ABCD2: variants seen among roughly 807,000 people sequenced by gnomAD.
The protein encoded by ABCD2 is ATP binding cassette subfamily D member 2.
Under a neutral mutation model 70.9 loss-of-function variants are expected in ABCD2, and 36 were observed. The observed-to-expected ratio is 0.51, with a 90% confidence interval of 0.39 to 0.67. The LOEUF is 0.67. Among genes scored for constraint, ABCD2 ranks in the 30% least tolerant of loss-of-function variants. The probability of loss-of-function intolerance (pLI) is 0.00; values close to 1 mark genes in which losing one functional copy is unlikely to be tolerated. For synonymous variants in ABCD2, 304 were observed against 306.9 expected (o/e 0.99, Z 0.10); for missense variants, 729 against 890.2 (o/e 0.82, Z 2.30).
At chr12:39,609,908 A>T (rs1555220676) in intron 2 of ABCD2, among the ~76,000 whole-genome samples, 1 of 152,044 alleles carries the variant, frequency 6.6e-6, no homozygotes, top group Non-Finnish European at 1.5e-5. Flanking sequence ...TGATTTTCAG[A>T]TTTTTTTTCC....
chr12:39,618,756 T>C lies in ABCD2; in HGVS notation c.860A>G (p.His287Arg). The change falls in exon 1 of 10, where the codon CAT (histidine) becomes CGT (arginine). Residue 287 changes from histidine (H) to arginine (R), a missense_variant. By Grantham distance (29) the His-to-Arg change is conservative. Around this residue, in one of 3 missense-constraint regions of ABCD2, gnomAD observed 195 missense variants for 300.2 expected, o/e 0.65. Transcript: ENST00000308666. ...KFGKLVAEEA[H>R]RKGYLRYVHS... is the part of the protein sequence containing the mutation. ...CACATACCGCAAATAGCCTTTTCTA[T>C]GTGCTTCCTCTGCCACCAGTTTGCC... 2 of 1,614,274 alleles carry C rather than the reference T, an allele frequency of 1.2e-6. No individual in the cohort carries two copies. Among genetic ancestry groups the C allele is most frequent in the Non-Finnish European group, 1.7e-6 (2 of 1,180,054 alleles).
the ABCD2 span, among the ~76,000 whole-genome samples, chr12:39,541,490 A>G: frequency 6.6e-6 from 1 of 152,238 alleles, no homozygotes; most frequent in East Asian, 1.9e-4. Flanking sequence ...GTGTGCTTCA[A>G]GAAGAGGCTT....
At chr12:39,601,033 C>A (rs947824692) in intron 5 of ABCD2, among the ~76,000 whole-genome samples, 1 of 151,940 alleles carries the variant, frequency 6.6e-6, no homozygotes, top group African/African-American at 2.4e-5. Context: ...TAAGACAAAT[C>A]ATAAAAATTT....
chr12:39,618,341 C>G (rs1413124153), intron 1 of ABCD2, among the ~76,000 whole-genome samples: 1 of 152,014 alleles, frequency 6.6e-6, no homozygotes, highest in African/African-American at 2.4e-5. Context: ...CTGGTAGGTG[C>G]TTTAGGATGA....
At chr12:39,586,003 A>C in intron 7 of ABCD2, 149 bp downstream of exon 7, 1 of 662,076 alleles carries the variant, frequency 1.5e-6, no homozygotes, top group Non-Finnish European at 2.3e-6. Context: ...AATGTAAATA[A>C]TGGAACAGCA....
rs1231720169 is a variant in ABCD2 at position 39,579,637 on chromosome 12, AT to A, written c.1793-19del. On this transcript the variant is annotated intron_variant, in intron 7 of 9. Transcript: ENST00000308666. ...ATCCCATCCTTAAGAAAATAAAAAA[AT>A]ATACATTTTTATAAATCATTTGTTT... The A allele has an allele frequency of 1.3e-6, 2 of 1,559,180 alleles. No individual in the cohort carries two copies. The highest frequency in any genetic ancestry group is 2.2e-5 in the East Asian group (1 of 44,520).
chr12:39,616,596 G>A (rs548496254), intron 2 of ABCD2, among the ~76,000 whole-genome samples: 1 of 152,240 alleles, frequency 6.6e-6, no homozygotes, highest in South Asian at 2.1e-4. Context: ...TAGACTAAAT[G>A]TATGGGATGT....
At chr12:39,548,970 TG>T, downstream of ABCD2, among the ~76,000 whole-genome samples, 1 of 152,036 alleles carries the variant, frequency 6.6e-6, no homozygotes, top group East Asian at 1.9e-4. Context: ...CAACTATAAT[TG>T]TTTATTTTTC....
chr12:39,584,840 T>C (rs1208790429), intron 7 of ABCD2, among the ~76,000 whole-genome samples: 3 of 152,184 alleles, frequency 2.0e-5, no homozygotes, highest in South Asian at 4.1e-4. Context: ...ATGTGCGGCC[T>C]TATTTCTGTG....
At chr12:39,560,711 G>C (rs988786487) in intron 9 of ABCD2, among the ~76,000 whole-genome samples, 1 of 151,842 alleles carries the variant, frequency 6.6e-6, no homozygotes, top group Non-Finnish European at 1.5e-5. Context: ...GGAGATAAAG[G>C]GTAAAGATTG....
At chr12:39,614,325 G>A (rs1225943395) in intron 2 of ABCD2, among the ~76,000 whole-genome samples, 4 of 152,172 alleles carry the variant, frequency 2.6e-5, no homozygotes, top group Admixed American at 1.3e-4. Flanking sequence ...TATGTTACAT[G>A]TAACTTCGTA....
At chr12:39,542,976 T>C in the ABCD2 span, among the ~76,000 whole-genome samples, 1 of 152,268 alleles carries the variant, frequency 6.6e-6, no homozygotes, top group South Asian at 2.1e-4. Context: ...TCTTTTGAAG[T>C]TGATCATCAT....
At chr12:39,586,976 C>T (rs373065269) in intron 6 of ABCD2, among the ~76,000 whole-genome samples, 1 of 152,172 alleles carries the variant, frequency 6.6e-6, no homozygotes, top group African/African-American at 2.4e-5. Context: ...TGTTCTCACA[C>T]TACAGTGAAA....
At position 39,573,960 on chromosome 12, in the gene ABCD2, T is replaced by G. The variant is rs539609085; in HGVS notation, c.1878-119A>C. On this transcript the variant is annotated intron_variant, in intron 8 of 9. Transcript: ENST00000308666. ...TGGAGCAAAAAAGACTATGGCATTA[T>G]TAAAGGCAATAAATGATAAAGCAAA... The G allele has an allele frequency of 3.1e-6, 3 of 964,672 alleles. No individual in the cohort carries two copies. The Admixed American group carries it at 8.9e-5, about 29-fold the overall frequency. The allele number at this position is 964,672 out of a possible 1,614,324, so 59.8% of individuals were successfully genotyped here.
In ABCD2 at chr12:39,553,384, AT is replaced by A. The variant is rs1287694968; in HGVS notation, c.*527del. On this transcript the variant is annotated 3_prime_UTR_variant, in exon 10 of 10. Coordinates refer to ENST00000308666, the MANE Select transcript of ABCD2 (RefSeq NM_005164.4). ...TCTTTCAACAAATGCCATTAAAACA[AT>A]TTTTATATTGAAATTATTTATAAAA... 2 of 152,064 alleles carry A rather than the reference AT, an allele frequency of 1.3e-5. No homozygotes were observed. Among genetic ancestry groups the A allele is most frequent in the Admixed American group, 6.5e-5 (1 of 15,272 alleles). The allele number at this position is 152,064 out of a possible 1,614,324, so 9.4% of individuals were successfully genotyped here.
At chr12:39,617,211 A>G (rs1942128040) in intron 1 of ABCD2, 43 bp from the exon 2 acceptor site, 4 of 1,322,776 alleles carry the variant, frequency 3.0e-6, no homozygotes, top group Non-Finnish European at 4.0e-6. Context: ...TTAAAGATAT[A>G]TACATATTAT....
chr12:39,538,051 A>C, the ABCD2 span, among the ~76,000 whole-genome samples: 1 of 152,174 alleles, frequency 6.6e-6, no homozygotes, highest in African/African-American at 2.4e-5. Flanking sequence ...GTGTATACTA[A>C]GTAGCCAATG....
At chr12:39,568,585 G>A (rs1437726374) in intron 9 of ABCD2, among the ~76,000 whole-genome samples, 3 of 151,958 alleles carry the variant, frequency 2.0e-5, no homozygotes, top group Non-Finnish European at 2.9e-5. Flanking sequence ...CCCTCCTTTA[G>A]CTCGGAGTAG....
chr12:39,601,769 T>A (rs918915629), intron 5 of ABCD2, among the ~76,000 whole-genome samples: 6 of 152,152 alleles, frequency 3.9e-5, no homozygotes, highest in African/African-American at 1.4e-4. Context: ...AAGAGTATTA[T>A]TATATTGCTA....
Sources: allele counts gnomAD v4.1 joint callset (sites outside exome capture counted in the v4.1 genomes callset), GRCh38; gene constraint gnomAD v4.1.1; regional missense constraint gnomAD v4.1.1; transcripts MANE v1.5; gene names NCBI Gene and HGNC (gene_info 2026-07-23, HGNC 2026-07-21).